Variants in SLC25A26 observed in about 807,000 individuals in gnomAD.
The protein encoded by SLC25A26 is mitochondrial S-adenosylmethionine carrier protein.
In SLC25A26, 36 loss-of-function variants were observed where a neutral mutation model predicts 37.8. The observed-to-expected ratio is 0.95, with a 90% confidence interval of 0.73 to 1.26. SLC25A26 has a LOEUF of 1.26. Ranked by LOEUF, SLC25A26 falls within the 50% of genes most tolerant of loss-of-function variation. The pLI is 0.00. For missense variants in SLC25A26, 390 were observed against 331.1 expected (o/e 1.18, Z -1.38); for synonymous variants, 129 against 122.5 (o/e 1.05, Z -0.35).
At chr3:66,356,587 A>G (rs542493195) in intron 6 of SLC25A26, among the ~76,000 whole-genome samples, 2 of 152,284 alleles carry the variant, frequency 1.3e-5, no homozygotes, top group East Asian at 3.9e-4. Context: ...TTGTGCTTTG[A>G]TCATTATACT....
At chr3:66,340,746 A>G (rs1273503142) in intron 5 of SLC25A26, among the ~76,000 whole-genome samples, 1 of 152,112 alleles carries the variant, frequency 6.6e-6, no homozygotes, top group Non-Finnish European at 1.5e-5. Flanking sequence ...TAGTAGTTTT[A>G]GAGTAAATCT....
chr3:66,253,875 A>G (rs899091655), intron 3 of SLC25A26, among the ~76,000 whole-genome samples: 5 of 152,202 alleles, frequency 3.3e-5, no homozygotes, highest in Admixed American at 1.3e-4. Flanking sequence ...TCTGTTATGG[A>G]AAAATACAAA....
chr3:66,308,678 A>G (rs1307587960), intron 5 of SLC25A26, among the ~76,000 whole-genome samples: 1 of 151,972 alleles, frequency 6.6e-6, no homozygotes, highest in Non-Finnish European at 1.5e-5. Context: ...CTATTCCATA[A>G]CTATTCCATA....
rs1700840434 is a variant in SLC25A26 at position 66,378,791 on chromosome 3, CTATACTGACATT to C, written c.*989_*1000del. ...GCGTTTGTAAAAGAAGGACCACCAACTATACTGACATTTATAAATGAACCTTTATTAAAGACA... is the reference window on the plus strand; with the variant it reads ...GCGTTTGTAAAAGAAGGACCACCAACTATAAATGAACCTTTATTAAAGACA... On this transcript the variant is annotated 3_prime_UTR_variant, in exon 10 of 10. Coordinates refer to ENST00000354883, the MANE Select transcript of SLC25A26 (RefSeq NM_001379210.1). 1 of 152,570 alleles carries C rather than the reference CTATACTGACATT, an allele frequency of 6.6e-6. No individual in the cohort carries two copies. The highest frequency in any genetic ancestry group is 1.5e-5 in the Non-Finnish European group (1 of 68,030). 9.5% of individuals were successfully genotyped at this position (152,570 alleles called of 1,614,324 possible).
intron 5 of SLC25A26, among the ~76,000 whole-genome samples, chr3:66,330,490 A>G (rs551271864): frequency 7.2e-5 from 11 of 152,232 alleles, no homozygotes; most frequent in Admixed American, 5.2e-4. Flanking sequence ...AATATATTTC[A>G]TGTGTGTCTG....
intron 1 of SLC25A26, among the ~76,000 whole-genome samples, chr3:66,145,505 A>G (rs1363652382): frequency 1.3e-5 from 2 of 152,212 alleles, no homozygotes; most frequent in Non-Finnish European, 2.9e-5. Context: ...TTGATAGGGG[A>G]CAGGGTCCCA....
chr3:66,165,776 C>G (rs1267442199), intron 1 of SLC25A26, among the ~76,000 whole-genome samples: 1 of 152,084 alleles, frequency 6.6e-6, no homozygotes, highest in Non-Finnish European at 1.5e-5. Context: ...TTCCCCCCAT[C>G]AATCTTGAAA....
intron 6 of SLC25A26, among the ~76,000 whole-genome samples, chr3:66,348,989 A>G (rs979902070): frequency 2.0e-5 from 3 of 152,220 alleles, no homozygotes; most frequent in South Asian, 2.1e-4. Flanking sequence ...TTAGTGTCTC[A>G]ATAACCAGCA....
chr3:66,329,999 G>A (rs1455115516), intron 5 of SLC25A26, among the ~76,000 whole-genome samples: 2 of 152,116 alleles, frequency 1.3e-5, no homozygotes, highest in Admixed American at 6.5e-5. Flanking sequence ...CCTCCTATGT[G>A]CCAGATGCTG....
At chr3:66,376,225 C>T (rs1299437721) in intron 9 of SLC25A26, among the ~76,000 whole-genome samples, 1 of 151,962 alleles carries the variant, frequency 6.6e-6, no homozygotes, top group Non-Finnish European at 1.5e-5. Context: ...ATACGGTGAA[C>T]ACTGTTGAAA....
intron 5 of SLC25A26, among the ~76,000 whole-genome samples, chr3:66,332,137 C>T (rs1399349302): frequency 6.6e-6 from 1 of 152,008 alleles, no homozygotes; most frequent in Non-Finnish European, 1.5e-5. Flanking sequence ...GGGGTTTCAG[C>T]ATGTTGGCCA....
chr3:66,228,082 C>T (rs1158542697), intron 1 of SLC25A26, among the ~76,000 whole-genome samples: 2 of 152,150 alleles, frequency 1.3e-5, no homozygotes, highest in African/African-American at 4.8e-5. Context: ...TCAGAGTGAG[C>T]AGGTCTTCCC....
chr3:66,257,428 G>A (rs1319204802), intron 3 of SLC25A26, among the ~76,000 whole-genome samples: 2 of 152,106 alleles, frequency 1.3e-5, no homozygotes, highest in Non-Finnish European at 2.9e-5. Context: ...TGGGGCCACA[G>A]TCTAGGGCCG....
intron 6 of SLC25A26, among the ~76,000 whole-genome samples, chr3:66,359,695 C>T (rs1351309147): frequency 6.6e-6 from 1 of 152,126 alleles, no homozygotes; most frequent in Non-Finnish European, 1.5e-5. Flanking sequence ...ATTCCATTGT[C>T]TTGTTTCTTA....
chr3:66,356,279 G>C (rs1055930169), intron 6 of SLC25A26, among the ~76,000 whole-genome samples: 2 of 152,118 alleles, frequency 1.3e-5, no homozygotes, highest in African/African-American at 2.4e-5. Flanking sequence ...TTGGCTTTCT[G>C]GCCTATGACT....
intron 7 of SLC25A26, 58 bp downstream of exon 7, chr3:66,362,987 TTAAC>T (rs2107808150): frequency 8.5e-7 from 1 of 1,172,550 alleles, no homozygotes; most frequent in African/African-American, 1.6e-5. Flanking sequence ...TGTGAAAATA[TTAAC>T]TATGCAAAAA....
chr3:66,297,017 A>T (rs2074924010), intron 5 of SLC25A26, among the ~76,000 whole-genome samples: 1 of 152,170 alleles, frequency 6.6e-6, no homozygotes, highest in Non-Finnish European at 1.5e-5. Context: ...TATAAGTAAT[A>T]ATAAGAATAA....
chr3:66,191,511 G>A (rs937041706), intron 1 of SLC25A26, among the ~76,000 whole-genome samples: 36 of 152,212 alleles, frequency 2.4e-4, no homozygotes, highest in Non-Finnish European at 4.3e-4. Flanking sequence ...AATGTAAGAA[G>A]AACAACACAT....
chr3:66,288,134 T>C (rs1022661874), intron 5 of SLC25A26, among the ~76,000 whole-genome samples: 1 of 152,186 alleles, frequency 6.6e-6, no homozygotes, highest in Non-Finnish European at 1.5e-5. Flanking sequence ...TGTAAAGCAG[T>C]TCATTAGTAG....
Sources: allele counts gnomAD v4.1 joint callset (sites outside exome capture counted in the v4.1 genomes callset), GRCh38; gene constraint gnomAD v4.1.1; transcripts MANE v1.5; gene names NCBI Gene and HGNC (gene_info 2026-07-23, HGNC 2026-07-21).